Variants in FAM133B observed in about 807,000 individuals in gnomAD.
The protein encoded by FAM133B is protein FAM133B.
Under a neutral mutation model 46.4 loss-of-function variants are expected in FAM133B, and 25 were observed. That is an observed-to-expected ratio of 0.54 (90% confidence interval 0.39 to 0.75). The LOEUF (loss-of-function observed/expected upper bound fraction) is 0.75, where lower values mean the gene tolerates loss of function less well. Ranked by LOEUF, FAM133B falls within the 30% of genes least tolerant of loss-of-function variation. The pLI is 0.00. For synonymous variants in FAM133B, 75 were observed against 86.0 expected, an observed-to-expected ratio of 0.87 and a Z score of 0.71; for missense variants, 205 against 277.6, an observed-to-expected ratio of 0.74 and a Z score of 1.86.
At chr7:92,588,489 C>T (rs954526362) in intron 1 of FAM133B, among the ~76,000 whole-genome samples, 26 of 152,206 alleles carry the variant, frequency 1.7e-4, no homozygotes, top group African/African-American at 6.3e-4. Flanking sequence ...GATAGCACAA[C>T]AAAGTCTCAC....
chr7:92,589,857 G>C (rs1300383202), intron 1 of FAM133B: 1 of 194,946 alleles, frequency 5.1e-6, no homozygotes, highest in Non-Finnish European at 1.1e-5. Context: ...GAGGGGTGCG[G>C]ACCTGGGGCG....
At chr7:92,588,961 C>T (rs189039252) in intron 1 of FAM133B, among the ~76,000 whole-genome samples, 136 of 152,300 alleles carry the variant, frequency 8.9e-4, no homozygotes, top group Non-Finnish European at 2.5e-4. Flanking sequence ...GCCAATTAAA[C>T]ACTTTTCTTT....
chr7:92,565,866 C>A, intron 10 of FAM133B, 148 bp downstream of exon 10: 1 of 726,542 alleles, frequency 1.4e-6, no homozygotes, highest in Non-Finnish European at 2.3e-6. Flanking sequence ...TTCTCCTACC[C>A]ATTAAGTGAA....
intron 10 of FAM133B, among the ~76,000 whole-genome samples, chr7:92,563,143 G>T (rs1341315538): frequency 2.0e-5 from 3 of 152,090 alleles, no homozygotes; most frequent in African/African-American, 7.2e-5. Context: ...TTCAAGAGAA[G>T]AAAATGAAAA....
intron 1 of FAM133B, 95 bp from the exon 2 acceptor site, chr7:92,581,698 T>C (rs1014719333): frequency 2.2e-6 from 2 of 898,406 alleles, no homozygotes; most frequent in African/African-American, 3.3e-5. Context: ...AAATGCATAA[T>C]ATATCCAGCT....
intron 6 of FAM133B, chr7:92,577,447 CA>C: frequency 2.2e-6 from 1 of 451,200 alleles, no homozygotes; most frequent in Admixed American, 4.1e-5. Flanking sequence ...TTTAGGTCAA[CA>C]AAACAAATTT....
intron 8 of FAM133B, among the ~76,000 whole-genome samples, chr7:92,574,548 A>G (rs1298594992): frequency 1.3e-5 from 2 of 152,182 alleles, no homozygotes; most frequent in African/African-American, 4.8e-5. Context: ...TATGGTATAT[A>G]CCATTGTGTA....
intron 3 of FAM133B, 69 bp downstream of exon 3, chr7:92,579,248 G>A: frequency 1.4e-6 from 2 of 1,388,538 alleles, no homozygotes; most frequent in Non-Finnish European, 9.9e-7. Context: ...CAAAGTGCTG[G>A]AATTATAGGT....
At chr7:92,587,225 G>A (rs1418380589) in intron 1 of FAM133B, among the ~76,000 whole-genome samples, 1 of 152,164 alleles carries the variant, frequency 6.6e-6, no homozygotes, top group Non-Finnish European at 1.5e-5. Flanking sequence ...TTAAAACTAT[G>A]ATTGTTTCAT....
chr7:92,580,330 A>C (rs1454975755), intron 2 of FAM133B, among the ~76,000 whole-genome samples: 1 of 152,088 alleles, frequency 6.6e-6, no homozygotes, highest in Non-Finnish European at 1.5e-5. Context: ...CCTGGCCTCA[A>C]GCAATCCTCC....
In FAM133B at chr7:92,567,832, C is replaced by T. The variant is rs775291296; in HGVS notation, c.610-1771G>A. Among the ~76,000 whole-genome samples, 16 of 150,744 alleles carry T rather than the reference C, an allele frequency of 1.1e-4. 1 individual carries two copies. Among genetic ancestry groups the T allele is most frequent in the Non-Finnish European group, 1.9e-4 (13 of 67,708 alleles). ...AGGATGGAGTGCAGTGGTGTGATCTCGGCTCACTGCAGCCTCTGCCTTTCC... is the reference window on the plus strand; with the variant it reads ...AGGATGGAGTGCAGTGGTGTGATCTTGGCTCACTGCAGCCTCTGCCTTTCC... On this transcript the variant is annotated intron_variant, in intron 9 of 10. Transcript: ENST00000445716.
chr7:92,569,533 T>C, intron 9 of FAM133B: 1 of 188,416 alleles, frequency 5.3e-6, no homozygotes, highest in Non-Finnish European at 1.1e-5. Context: ...GTTACACAGC[T>C]TCTTTCATGT....
chr7:92,586,548 T>C (rs942918486), intron 1 of FAM133B, among the ~76,000 whole-genome samples: 5 of 152,352 alleles, frequency 3.3e-5, no homozygotes, highest in African/African-American at 4.8e-5. Flanking sequence ...TTAATCATTA[T>C]AAACACTGTG....
At chr7:92,569,974 G>T in intron 8 of FAM133B, 59 bp from the exon 9 acceptor site, 2 of 720,274 alleles carry the variant, frequency 2.8e-6, no homozygotes, top group Non-Finnish European at 2.0e-6. Context: ...CACATTTTAT[G>T]TTTCTAAGTT....
chr7:92,579,173 CGG>C (rs113560614), intron 3 of FAM133B, 142 bp downstream of exon 3: 40 of 610,838 alleles, frequency 6.5e-5, no homozygotes, highest in African/African-American at 6.5e-4. Context: ...ACAAGGGCGG[CGG>C]GGGGGGGCCT....
intron 1 of FAM133B, chr7:92,585,246 G>A (rs994332747): frequency 2.5e-6 from 1 of 394,048 alleles, no homozygotes; most frequent in Admixed American, 6.4e-5. Flanking sequence ...TAGGTCACCA[G>A]GATGTAGAAC....
intron 9 of FAM133B, among the ~76,000 whole-genome samples, chr7:92,566,888 A>T (rs1358040901): frequency 1.3e-5 from 2 of 152,122 alleles, no homozygotes; most frequent in Non-Finnish European, 2.9e-5. Context: ...ATTTTATTTC[A>T]ATCTTTTTGA....
chr7:92,590,073 A>C, intron 1 of FAM133B, 195 bp downstream of exon 1: 1 of 678,228 alleles, frequency 1.5e-6, no homozygotes, highest in South Asian at 1.9e-5. Context: ...CGGGCAAGAG[A>C]GAGCTGGGAA....
intron 10 of FAM133B, among the ~76,000 whole-genome samples, chr7:92,564,686 T>A (rs542468161): frequency 6.6e-6 from 1 of 152,182 alleles, no homozygotes; most frequent in African/African-American, 2.4e-5. Context: ...CTACAAATGA[T>A]GATGTTTTCA....
Sources: allele counts gnomAD v4.1 joint callset (sites outside exome capture counted in the v4.1 genomes callset), GRCh38; gene constraint gnomAD v4.1.1; transcripts MANE v1.5; gene names NCBI Gene and HGNC (gene_info 2026-07-23, HGNC 2026-07-21).